The following CPHXL variants were observed in gnomAD, a reference collection of about 807,000 sequenced individuals.
CPHXL encodes the protein cytoplasmic polyadenylated homeobox-like protein.
intron 1 of CPHXL, among the ~76,000 whole-genome samples, chr16:75,722,882 C>T (rs2151840005): frequency 6.6e-6 from 1 of 152,304 alleles, no homozygotes; most frequent in East Asian, 1.9e-4. Flanking sequence ...TCCAGCAGCA[C>T]ATGAAAAAGC....
intron 1 of CPHXL, among the ~76,000 whole-genome samples, chr16:75,720,372 G>C (rs1024288212): frequency 2.0e-5 from 3 of 152,094 alleles, no homozygotes; most frequent in Admixed American, 6.6e-5. Context: ...TTAGATGAAT[G>C]GCTAAGTAGA....
chr16:75,715,824 G>C (rs1302995563), intron 2 of CPHXL, among the ~76,000 whole-genome samples: 1 of 151,884 alleles, frequency 6.6e-6, no homozygotes, highest in Non-Finnish European at 1.5e-5. Context: ...AGCCTCCCGA[G>C]TAGCTGGAAT....
rs1015885680 is a variant in CPHXL, at chr16:75,718,290, A to C, written c.194T>G (p.Phe65Cys). 2.5e-6 allele frequency: 1 copy of C among 398,682 alleles called. No homozygotes were observed. Among genetic ancestry groups the C allele is most frequent in the Non-Finnish European group, 4.4e-6 (1 of 226,212 alleles). 24.7% of individuals were successfully genotyped at this position (398,682 alleles called of 1,614,324 possible). A position where few individuals can be genotyped will look rare whatever the true frequency, so the allele number is the denominator to read the frequency against. Residue 65 changes from phenylalanine to cysteine, a missense_variant, in exon 2 of 3, where the codon TTT (phenylalanine) becomes TGT (cysteine). Transcript: ENST00000640559. ...ATCTATCACATTTACCGGACAATCAAATTTGATGGCCAGTGTTTTCCTAGT... is the reference window on the plus strand; with the variant it reads ...ATCTATCACATTTACCGGACAATCACATTTGATGGCCAGTGTTTTCCTAGT... ...YTTRKTLAIK[F>C]DCPVNVIDNW...
rs987227482 is a variant in CPHXL at position 75,726,417 on chromosome 16, C to T, written c.25+1G>A. On this transcript the variant is annotated splice_donor_variant, in intron 1 of 2. Transcript: ENST00000640559. LOFTEE classifies it high-confidence loss of function. ...AAGAGAAAAAGCTGATGGGAACTTACCACCTGAAGTGCCGTCCAAATTCAT... is the reference window on the plus strand; with the variant it reads ...AAGAGAAAAAGCTGATGGGAACTTATCACCTGAAGTGCCGTCCAAATTCAT... 4 of 398,486 alleles carry T rather than the reference C, an allele frequency of 1.0e-5. No homozygotes were observed. The highest frequency in any genetic ancestry group is 1.8e-5 in the Non-Finnish European group (4 of 226,082). The allele number at this position is 398,486 out of a possible 1,614,324, so 24.7% of individuals were successfully genotyped here.
chr16:75,723,145 T>C (rs531941413), intron 1 of CPHXL, among the ~76,000 whole-genome samples: 4 of 152,294 alleles, frequency 2.6e-5, no homozygotes, highest in East Asian at 1.9e-4. Flanking sequence ...GCCAATATCA[T>C]ACTGAATGGG....
intron 2 of CPHXL, 38 bp downstream of exon 2, chr16:75,718,227 A>G: frequency 2.5e-6 from 1 of 398,512 alleles, no homozygotes. Context: ...TAAAAAAAAA[A>G]AAATCTAGGA....
intron 1 of CPHXL, among the ~76,000 whole-genome samples, chr16:75,723,443 C>A (rs1959506601): frequency 6.6e-6 from 1 of 152,180 alleles, no homozygotes; most frequent in Admixed American, 6.5e-5. Flanking sequence ...CACAAGCATT[C>A]TTATACACCA....
chr16:75,715,361 A>G lies in CPHXL; in HGVS notation c.220-139T>C, dbSNP rs1959375725. The G allele has an allele frequency of 7.6e-6, 3 of 396,924 alleles. No individual in the cohort carries two copies. The Admixed American group carries it at 1.3e-4, about 17-fold the overall frequency. The allele number at this position is 396,924 out of a possible 1,614,324, so 24.6% of individuals were successfully genotyped here. A position where few individuals can be genotyped will look rare whatever the true frequency, so the allele number is the denominator to read the frequency against. On this transcript the variant is annotated intron_variant, in intron 2 of 2. Coordinates refer to ENST00000640559, the MANE Select transcript of CPHXL (RefSeq NM_001355613.1). ...CTGACTTGCCTGCTGACATTAAAGCATATAAATAATAAAGGCAATCTGTCC... is the reference window on the plus strand; with the variant it reads ...CTGACTTGCCTGCTGACATTAAAGCGTATAAATAATAAAGGCAATCTGTCC...
intron 1 of CPHXL, among the ~76,000 whole-genome samples, chr16:75,725,642 C>A (rs543156522): frequency 6.6e-6 from 1 of 151,216 alleles, no homozygotes; most frequent in African/African-American, 2.4e-5. Flanking sequence ...TTAGTAGAGA[C>A]GGGGTTTCAC....
rs545392591 is a variant in CPHXL at position 75,716,987 on chromosome 16, C to T, written c.219+1278G>A. ...GTAAACTTTGATTTCTCTGACACACCTGTCCCTCCCTAGGTCCCCTCCTTA... is the reference window on the plus strand; with the variant it reads ...GTAAACTTTGATTTCTCTGACACACTTGTCCCTCCCTAGGTCCCCTCCTTA... On this transcript the variant is annotated intron_variant, in intron 2 of 2. Transcript: ENST00000640559. 9.7e-4 allele frequency among the ~76,000 whole-genome samples: 148 copies of T among 152,328 alleles called. 1 individual carries two copies. The highest frequency in any genetic ancestry group is 3.4e-3 in the African/African-American group (140 of 41,580).
At chr16:75,725,015 T>TCAC (rs1176229277) in intron 1 of CPHXL, among the ~76,000 whole-genome samples, 3 of 151,866 alleles carry the variant, frequency 2.0e-5, no homozygotes, top group African/African-American at 7.3e-5. Flanking sequence ...CTCAGCAAAC[T>TCAC]ATCACAAGGA....
intron 2 of CPHXL, among the ~76,000 whole-genome samples, chr16:75,716,416 G>A (rs1467608722): frequency 1.3e-5 from 2 of 152,318 alleles, no homozygotes; most frequent in South Asian, 4.1e-4. Context: ...TCCTCTCTGG[G>A]TTTGATTAAC....
chr16:75,719,658 C>G (rs919671109), intron 1 of CPHXL, among the ~76,000 whole-genome samples: 2 of 152,220 alleles, frequency 1.3e-5, no homozygotes, highest in African/African-American at 4.8e-5. Flanking sequence ...GCCTGCCTCT[C>G]TAGACTCCAC....
At chr16:75,725,195 C>A (rs1276368182) in intron 1 of CPHXL, among the ~76,000 whole-genome samples, 2 of 152,084 alleles carry the variant, frequency 1.3e-5, no homozygotes, top group Non-Finnish European at 2.9e-5. Flanking sequence ...TTAATGGGTG[C>A]AGCACACCAA....
At chr16:75,722,196 T>C (rs1959488036) in intron 1 of CPHXL, among the ~76,000 whole-genome samples, 1 of 151,716 alleles carries the variant, frequency 6.6e-6, no homozygotes, top group South Asian at 2.1e-4. Context: ...TGAAAAGAAC[T>C]AGAGAAGCAA....
rs190171241 is a variant in CPHXL, at chr16:75,726,430, C to G, written c.13G>C (p.Gly5Arg). 5.0e-6 allele frequency: 2 copies of G among 398,564 alleles called. No individual in the cohort carries two copies. The highest frequency in any genetic ancestry group is 4.1e-5 in the African/African-American group (2 of 48,736). 24.7% of individuals were successfully genotyped at this position (398,564 alleles called of 1,614,324 possible). A position where few individuals can be genotyped will look rare whatever the true frequency, so the allele number is the denominator to read the frequency against. MNLD[G>R]TSGGFPAEED... ...GATGGGAACTTACCACCTGAAGTGC[C>G]GTCCAAATTCATCTTGGGGTAGAAG... The change falls in exon 1 of 3, where the codon GGC (glycine) becomes CGC (arginine). Residue 5 changes from glycine to arginine, a missense_variant. Gly to Arg is a moderately radical substitution (Grantham distance 125, BLOSUM62 -2). Coordinates refer to ENST00000640559, the MANE Select transcript of CPHXL (RefSeq NM_001355613.1).
At chr16:75,725,336 T>C (rs1357714390) in intron 1 of CPHXL, among the ~76,000 whole-genome samples, 1 of 152,166 alleles carries the variant, frequency 6.6e-6, no homozygotes. Flanking sequence ...TCGCCTAGGC[T>C]GGAATGCAGT....
intron 1 of CPHXL, among the ~76,000 whole-genome samples, chr16:75,718,690 T>C (rs1959429791): frequency 6.6e-6 from 1 of 152,168 alleles, no homozygotes; most frequent in Non-Finnish European, 1.5e-5. Flanking sequence ...TAAATAGAGT[T>C]TTATCGAAAC....
chr16:75,719,101 A>G (rs1004445653), intron 1 of CPHXL, among the ~76,000 whole-genome samples: 4 of 152,022 alleles, frequency 2.6e-5, no homozygotes, highest in Non-Finnish European at 5.9e-5. Context: ...CATGCATGCT[A>G]TATTTCAATT....
Sources: gnomAD v4.1 joint callset for allele counts (sites outside exome capture counted in the v4.1 genomes callset) on GRCh38, gnomAD v4.1.1 for gene constraint, MANE v1.5 for transcripts, NCBI Gene and HGNC (gene_info 2026-07-23, HGNC 2026-07-21) for gene names.